Variants in RAB37 observed in about 807,000 individuals in gnomAD.
RAB37 encodes RAB37, member RAS oncogene family.
Under a neutral mutation model 33.1 loss-of-function variants are expected in RAB37, and 29 were observed. That is an observed-to-expected ratio of 0.88 (90% confidence interval 0.65 to 1.20). The LOEUF (loss-of-function observed/expected upper bound fraction) is 1.20, where lower values mean the gene tolerates loss of function less well. RAB37 is among the 50% of genes most tolerant of loss of function. The pLI is 0.00. For synonymous variants in RAB37, 128 were observed against 119.5 expected (o/e 1.07, Z -0.47); for missense variants, 299 against 301.1 (o/e 0.99, Z 0.05).
chr17:74,721,048 G>T (rs2034232566), intron 1 of RAB37, among the ~76,000 whole-genome samples: 1 of 152,270 alleles, frequency 6.6e-6, no homozygotes, highest in South Asian at 2.1e-4. Context: ...ACGTTCAGCT[G>T]CTTGTCTCTT....
At chr17:74,731,222 C>T (rs538663208) in intron 2 of RAB37, among the ~76,000 whole-genome samples, 5 of 152,238 alleles carry the variant, frequency 3.3e-5, no homozygotes, top group African/African-American at 9.6e-5. Context: ...GTCCTTCTCA[C>T]GGAGATTTGA....
chr17:74,705,401 T>C (rs2143795010), intron 1 of RAB37: 1 of 528,140 alleles, frequency 1.9e-6, no homozygotes, highest in Non-Finnish European at 3.5e-6. Flanking sequence ...ACAACACAGA[T>C]CCCACTTTCT....
At chr17:74,690,555 C>A (rs928245104) in intron 1 of RAB37, among the ~76,000 whole-genome samples, 1 of 152,184 alleles carries the variant, frequency 6.6e-6, no homozygotes, top group Non-Finnish European at 1.5e-5. Flanking sequence ...AGATGACACC[C>A]AGATACAAAT....
chr17:74,680,541 G>T (rs2031932530), intron 1 of RAB37, among the ~76,000 whole-genome samples: 2 of 152,180 alleles, frequency 1.3e-5, no homozygotes, highest in South Asian at 4.1e-4. Context: ...AGGCTGACAT[G>T]AGTTGGTAGC....
intron 1 of RAB37, among the ~76,000 whole-genome samples, chr17:74,725,666 C>T (rs1186254748): frequency 6.6e-6 from 1 of 151,854 alleles, no homozygotes; most frequent in Non-Finnish European, 1.5e-5. Context: ...CTCTGTCACC[C>T]AGGCTAGAGT....
rs761934607 is a variant in RAB37, at chr17:74,704,597, T to G, written c.73-24659T>G. 21 of 1,614,066 alleles carry G rather than the reference T, an allele frequency of 1.3e-5. 1 individual carries two copies. In the Admixed American group the frequency reaches 3.3e-4, roughly 26 times the overall value. ...CTCCATGGTCACAGTGAACGTGCGG[T>G]TTTTCTGATTGTCCTTGATGGACAC... On this transcript the variant is annotated intron_variant, in intron 1 of 7. Coordinates refer to the RAB37 transcript ENST00000340415.
At chr17:74,720,227 T>C (rs550520385) in intron 1 of RAB37, among the ~76,000 whole-genome samples, 1 of 152,254 alleles carries the variant, frequency 6.6e-6, no homozygotes, top group East Asian at 1.9e-4. Context: ...AAGTGGGTGC[T>C]AGGGCTGGGA....
In RAB37 at chr17:74,694,995, A is replaced by T. The variant is rs1598196392; in HGVS notation, c.72+23337A>T. On this transcript the variant is annotated intron_variant, in intron 1 of 7. Transcript: ENST00000340415. ...TGCTGGCTGATCAGGCAGAGGCACCAGTCCCCGGGTTGGTCCTGATGAGGG... is the reference window on the plus strand; with the variant it reads ...TGCTGGCTGATCAGGCAGAGGCACCTGTCCCCGGGTTGGTCCTGATGAGGG... 8 of 1,300,144 alleles carry T rather than the reference A, an allele frequency of 6.2e-6. No homozygotes were observed. The East Asian group carries it at 1.9e-4, about 31-fold the overall frequency. 80.5% of individuals were successfully genotyped at this position (1,300,144 alleles called of 1,614,324 possible).
Position 74,693,340 on chromosome 17 carries a change from G to A in RAB37, c.72+21682G>A, listed in dbSNP as rs117862947. Reference sequence around the variant, plus strand: ...GAGCCTTTGAGAGGGAGGGTGGATGGAGTTGGGGGTGAAGGGGCAGCCAGC... The same window carrying A: ...GAGCCTTTGAGAGGGAGGGTGGATGAAGTTGGGGGTGAAGGGGCAGCCAGC... On this transcript the variant is annotated intron_variant, in intron 1 of 7. Transcript: ENST00000340415. 2.7e-4 allele frequency among the ~76,000 whole-genome samples: 41 copies of A among 152,344 alleles called. No individual in the cohort carries two copies. In the East Asian group the frequency reaches 7.3e-3, roughly 27 times the overall value.
At chr17:74,686,711 T>G (rs954280567) in intron 1 of RAB37, among the ~76,000 whole-genome samples, 2 of 152,162 alleles carry the variant, frequency 1.3e-5, no homozygotes, top group Admixed American at 6.5e-5. Context: ...TATTTTAAGC[T>G]GACTTACTGT....
chr17:74,729,458 G>T lies in RAB37; in HGVS notation c.183+92G>T. On this transcript the variant is annotated intron_variant, in intron 2 of 7. Transcript: ENST00000340415. This position sits in a 1 kb window ranked among gnomAD's most constrained non-coding sequence, Gnocchi z 4.2. ...GCCAGCAGGAAACAGGTGGACACTC[G>T]CATTGGATCATTCAAGGAGGATTAA... is the stretch of plus-strand genomic sequence containing the variant. 2 of 862,832 alleles carry T rather than the reference G, an allele frequency of 2.3e-6. No individual in the cohort carries two copies. Among genetic ancestry groups the T allele is most frequent in the Non-Finnish European group, 4.0e-6 (2 of 497,394 alleles). 53.4% of individuals were successfully genotyped at this position (862,832 alleles called of 1,614,324 possible).
chr17:74,714,693 T>TGAAGGAAG (rs1289852716), intron 1 of RAB37, among the ~76,000 whole-genome samples: 1 of 152,076 alleles, frequency 6.6e-6, no homozygotes, highest in Non-Finnish European at 1.5e-5. Flanking sequence ...AACTATTTGT[T>TGAAGGAAG]GAAGGAAGGA....
At chr17:74,691,485 T>C (rs4789091) in intron 1 of RAB37, among the ~76,000 whole-genome samples, 18,501 of 152,102 alleles carry the variant, frequency 0.12, 2,543 homozygotes, top group African/African-American at 0.33. Context: ...ACACCTTTTT[T>C]CAAAGTTTGA....
At chr17:74,726,651 T>C (rs2034311048) in intron 1 of RAB37, among the ~76,000 whole-genome samples, 1 of 151,962 alleles carries the variant, frequency 6.6e-6, no homozygotes, top group Non-Finnish European at 1.5e-5. Context: ...GTTCAGGAGG[T>C]GGGTGGGGGC....
intron 1 of RAB37, among the ~76,000 whole-genome samples, chr17:74,707,172 G>A (rs1480688337): frequency 6.6e-6 from 1 of 152,108 alleles, no homozygotes; most frequent in Admixed American, 6.5e-5. Context: ...CACAGCAAAG[G>A]AAACAACCAA....
Position 74,744,432 on chromosome 17 carries a change from C to T in RAB37, c.432+59C>T. 1.3e-6 allele frequency: 2 copies of T among 1,506,854 alleles called. No homozygotes were observed. Among genetic ancestry groups the T allele is most frequent in the South Asian group, 1.1e-5 (1 of 88,828 alleles). 93.3% of individuals were successfully genotyped at this position (1,506,854 alleles called of 1,614,324 possible). On this transcript the variant is annotated intron_variant, in intron 6 of 8. Transcript: ENST00000392613. This position sits in a 1 kb window ranked among gnomAD's most constrained non-coding sequence, Gnocchi z 4.2. ...TGCACTTCCTCAGCCCTAGCCGGCC[C>T]CATAACCACCCAAGAACAGTTATCT...
chr17:74,741,641 A>G (rs2034620801), intron 2 of RAB37, among the ~76,000 whole-genome samples: 2 of 150,412 alleles, frequency 1.3e-5, no homozygotes, highest in South Asian at 4.2e-4. Flanking sequence ...GCAGCTCACC[A>G]GGGACCCTCC....
At chr17:74,712,756 T>G in intron 1 of RAB37, 2 of 1,565,132 alleles carry the variant, frequency 1.3e-6, no homozygotes, top group Non-Finnish European at 1.8e-6. Flanking sequence ...GGGTCCCTTC[T>G]TCCCTCTCTC....
At chr17:74,678,663 CCACACACACAGACACACAGACA>C (rs1450170594) in intron 1 of RAB37, among the ~76,000 whole-genome samples, 1 of 149,296 alleles carries the variant, frequency 6.7e-6, no homozygotes, top group Non-Finnish European at 1.5e-5. Flanking sequence ...CCCCTGGCCA[CCACACACACAGACACACAGACA>C]CACACACACA....
Sources: allele counts gnomAD v4.1 joint callset (sites outside exome capture counted in the v4.1 genomes callset), GRCh38; gene constraint gnomAD v4.1.1; non-coding constraint Gnocchi (gnomAD v3.1); transcripts MANE v1.5; gene names NCBI Gene and HGNC (gene_info 2026-07-23, HGNC 2026-07-21).